Variants in ROPN1L observed in about 807,000 individuals in gnomAD.
ROPN1L encodes the protein ropporin-1-like protein.
Under a neutral mutation model 22.7 loss-of-function variants are expected in ROPN1L, and 23 were observed. The observed-to-expected ratio is 1.01, with a 90% CI of 0.73 to 1.43. The LOEUF (loss-of-function observed/expected upper bound fraction) is 1.43. Among genes scored for constraint, ROPN1L ranks in the 40% most tolerant of loss-of-function variants. The pLI is 0.00. For synonymous variants in ROPN1L, 116 were observed against 117.8 expected (o/e 0.98, Z 0.10); for missense variants, 271 against 291.5 (o/e 0.93, Z 0.51).
At chr5:10,454,417 C>A (rs1400762051) in intron 3 of ROPN1L, among the ~76,000 whole-genome samples, 1 of 152,196 alleles carries the variant, frequency 6.6e-6, no homozygotes, top group Non-Finnish European at 1.5e-5. Context: ...AGCCACAGAG[C>A]CTGGCTGACT....
intron 1 of ROPN1L, among the ~76,000 whole-genome samples, chr5:10,447,663 G>T (rs1741113204): frequency 3.9e-5 from 6 of 152,184 alleles, no homozygotes; most frequent in Admixed American, 3.9e-4. Context: ...GATCACTTGA[G>T]GCCAGGAGTT....
At chr5:10,465,254 G>A (rs921283502), downstream of ROPN1L, among the ~76,000 whole-genome samples, 4 of 152,166 alleles carry the variant, frequency 2.6e-5, no homozygotes, top group South Asian at 6.2e-4. Context: ...GTTGGCTCAC[G>A]CCTGTAATCC....
intron 3 of ROPN1L, among the ~76,000 whole-genome samples, chr5:10,452,415 C>T (rs1419661171): frequency 1.4e-5 from 2 of 145,824 alleles, no homozygotes; most frequent in South Asian, 2.2e-4. Flanking sequence ...GGGCTCACTG[C>T]CACCTCCGCC....
chr5:10,461,340 G>C lies in ROPN1L; in HGVS notation c.574G>C (p.Ala192Pro). 1 of 1,613,896 alleles carries C rather than the reference G, an allele frequency of 6.2e-7. No individual in the cohort carries two copies. Among genetic ancestry groups the C allele is most frequent in the Middle Eastern group, 1.6e-4 (1 of 6,062 alleles). The change falls in exon 4 of 5, where the codon GCC (alanine) becomes CCC (proline). Residue 192 changes from alanine to proline, a missense_variant. Coordinates refer to ENST00000274134, the MANE Select transcript of ROPN1L (RefSeq NM_031916.5). ...TCCCTTGGAGACGGAATCCTACCTT[G>C]CCTCTCTAAAGGAAAATATGTAAGT... ...VSPLETESYLASLKENIDARK... is the reference protein window; with the variant it reads ...VSPLETESYLPSLKENIDARK...
At chr5:10,467,288 C>A (rs546824364), downstream of ROPN1L, among the ~76,000 whole-genome samples, 225 of 145,586 alleles carry the variant, frequency 1.5e-3, no homozygotes, top group African/African-American at 4.6e-3. Context: ...AAAAAAAAAA[C>A]CAGAAACAAA....
intron 4 of ROPN1L, among the ~76,000 whole-genome samples, chr5:10,471,130 CTCTTT>C (rs574120436): frequency 1.6e-4 from 24 of 152,068 alleles, no homozygotes; most frequent in African/African-American, 5.8e-4. Context: ...TTCCTTGATT[CTCTTT>C]TCTTTTCTTT....
At chr5:10,456,443 G>A (rs1184898920) in intron 3 of ROPN1L, among the ~76,000 whole-genome samples, 4 of 152,126 alleles carry the variant, frequency 2.6e-5, no homozygotes, top group African/African-American at 4.8e-5. Context: ...AGCCAAGATC[G>A]CATCACTGAA....
intron 3 of ROPN1L, among the ~76,000 whole-genome samples, chr5:10,455,678 C>A (rs967694063): frequency 5.3e-5 from 8 of 152,256 alleles, no homozygotes; most frequent in African/African-American, 1.9e-4. Flanking sequence ...GCCTCCTACC[C>A]TTACCTGCTG....
intron 3 of ROPN1L, 72 bp downstream of exon 3, chr5:10,450,185 CA>C (rs1741210572): frequency 7.7e-7 from 1 of 1,293,344 alleles, no homozygotes; most frequent in African/African-American, 1.5e-5. Flanking sequence ...ATTTAGGTTT[CA>C]GTAACTAAAG....
In ROPN1L at chr5:10,464,825, ATCTTT is replaced by A. The variant is rs772653368; in HGVS notation, c.594-22_594-18del. On this transcript the variant is annotated intron_variant, in intron 4 of 4. Coordinates refer to ENST00000274134, the MANE Select transcript of ROPN1L (RefSeq NM_031916.5). ...ATATGATGAGAAATTACCAATAAAT[ATCTTT>A]ATCTGTTTCCAATTTAGAGACGCCA... is the stretch of plus-strand genomic sequence containing the variant. 1.4e-6 allele frequency: 2 copies of A among 1,406,942 alleles called. No individual in the cohort carries two copies. The highest frequency in any genetic ancestry group is 9.8e-7 in the Non-Finnish European group (1 of 1,016,518). The allele number at this position is 1,406,942 out of a possible 1,614,324, so 87.2% of individuals were successfully genotyped here. A position where few individuals can be genotyped will look rare whatever the true frequency, so the allele number is the denominator to read the frequency against.
chr5:10,481,442 G>A, the ROPN1L span, among the ~76,000 whole-genome samples: 1 of 152,176 alleles, frequency 6.6e-6, no homozygotes, highest in Non-Finnish European at 1.5e-5. Flanking sequence ...GTGGCCTGGA[G>A]TGTGAAAACC....
chr5:10,460,002 C>T (rs60787537), intron 3 of ROPN1L, among the ~76,000 whole-genome samples: 2 of 152,304 alleles, frequency 1.3e-5, no homozygotes, highest in African/African-American at 2.4e-5. Flanking sequence ...CAGTAGGCAG[C>T]GTGACCATCC....
chr5:10,455,948 A>C (rs181130688), intron 3 of ROPN1L, among the ~76,000 whole-genome samples: 120 of 151,018 alleles, frequency 7.9e-4, no homozygotes, highest in Middle Eastern at 3.4e-3. Flanking sequence ...CTTTGTTCTG[A>C]TTCTGTGTAA....
intron 3 of ROPN1L, among the ~76,000 whole-genome samples, chr5:10,450,457 A>G (rs189971628): frequency 1.5e-3 from 223 of 152,376 alleles, no homozygotes; most frequent in African/African-American, 5.1e-3. Context: ...AAAGAGGCAT[A>G]CAATTATTTT....
chr5:10,482,280 A>G, the ROPN1L span: 3 of 152,108 alleles, frequency 2.0e-5, no homozygotes, highest in African/African-American at 7.2e-5. Context: ...GTTTACCGCA[A>G]TTAAAAATCA....
At chr5:10,465,562 C>T (rs1011713775), downstream of ROPN1L, among the ~76,000 whole-genome samples, 1 of 150,988 alleles carries the variant, frequency 6.6e-6, no homozygotes, top group African/African-American at 2.4e-5. Flanking sequence ...AAAAAAGGGG[C>T]TTTTTGGTCA....
intron 3 of ROPN1L, among the ~76,000 whole-genome samples, chr5:10,450,321 A>G (rs1741213992): frequency 6.6e-6 from 1 of 152,212 alleles, no homozygotes; most frequent in Non-Finnish European, 1.5e-5. Context: ...TCAATTTAAA[A>G]GTTAATAGTA....
At chr5:10,463,915 G>A (rs1735099141) in intron 4 of ROPN1L, among the ~76,000 whole-genome samples, 1 of 152,084 alleles carries the variant, frequency 6.6e-6, no homozygotes, top group South Asian at 2.1e-4. Context: ...AAGCCCCCTG[G>A]CCTGTCATCA....
Position 10,455,412 on chromosome 5 carries a change from G to A in ROPN1L, c.417+5299G>A, listed in dbSNP as rs147813165. On this transcript the variant is annotated intron_variant, in intron 3 of 4. Transcript: ENST00000274134. ...AGTGGGAGCCTGAGGCCACAGGCGT[G>A]TTTAGGAAGCTGTCCCTGAAGACGA... is the stretch of plus-strand genomic sequence containing the variant. Among the ~76,000 whole-genome samples, 767 of 152,338 alleles carry A rather than the reference G, an allele frequency of 5.0e-3. 8 individuals are homozygous for A. The highest frequency in any genetic ancestry group is 0.016 in the African/African-American group (672 of 41,574).
Sources: gnomAD v4.1 joint callset for allele counts (sites outside exome capture counted in the v4.1 genomes callset) on GRCh38, gnomAD v4.1.1 for gene constraint, MANE v1.5 for transcripts, NCBI Gene and HGNC (gene_info 2026-07-23, HGNC 2026-07-21) for gene names.